Variants in RHAG observed in about 807,000 individuals in gnomAD.
RHAG encodes the protein ammonium transporter Rh type A.
A neutral mutation model predicts 42.4 loss-of-function variants in RHAG; 25 were observed. That is an observed-to-expected ratio of 0.59 (90% confidence interval 0.43 to 0.82). RHAG has a LOEUF of 0.82. Ranked by LOEUF, RHAG falls within the 40% of genes least tolerant of loss-of-function variation. The pLI, the probability that RHAG is intolerant of heterozygous loss-of-function variation, is 0.00. For missense variants in RHAG, 483 were observed against 504.6 expected (o/e 0.96, Z 0.41); for synonymous variants, 182 against 177.7 (o/e 1.02, Z -0.19).
chr6:49,630,144 C>G (rs1762913239), intron 1 of RHAG, among the ~76,000 whole-genome samples: 1 of 152,220 alleles, frequency 6.6e-6, no homozygotes, highest in South Asian at 2.1e-4. Context: ...TACTCCTTTA[C>G]CTGAAAATCT....
chr6:49,610,723 G>T (rs964888666), intron 7 of RHAG, among the ~76,000 whole-genome samples: 1 of 152,242 alleles, frequency 6.6e-6, no homozygotes, highest in Middle Eastern at 3.4e-3. Flanking sequence ...TCAAGAAAAA[G>T]ACTAATCCTT....
intron 1 of RHAG, among the ~76,000 whole-genome samples, chr6:49,620,330 T>C (rs1403262511): frequency 6.6e-6 from 1 of 152,186 alleles, no homozygotes; most frequent in Non-Finnish European, 1.5e-5. Flanking sequence ...TATGATCAAA[T>C]GCAAGATAGT....
At position 49,607,012 on chromosome 6, in the gene RHAG, C is replaced by A. The variant is rs1021438614; in HGVS notation, c.1139-91G>T. The A allele has an allele frequency of 3.3e-6, 4 of 1,199,276 alleles. No homozygotes were observed. The East Asian group carries it at 9.7e-5, about 29-fold the overall frequency. 74.3% of individuals were successfully genotyped at this position (1,199,276 alleles called of 1,614,324 possible). On this transcript the variant is annotated intron_variant, in intron 8 of 9. Transcript: ENST00000371175. ...GCTTATATACTATTATAAAATCATC[C>A]CCTTTAAATGACATAATTACTTTAC...
intron 1 of RHAG, among the ~76,000 whole-genome samples, chr6:49,620,362 A>C (rs1265053484): frequency 6.6e-6 from 1 of 152,224 alleles, no homozygotes; most frequent in East Asian, 1.9e-4. Flanking sequence ...CTCTTCCTTC[A>C]AGAAACTGAC....
At chr6:49,622,488 C>G (rs904950461) in intron 1 of RHAG, among the ~76,000 whole-genome samples, 1 of 151,996 alleles carries the variant, frequency 6.6e-6, no homozygotes, top group Non-Finnish European at 1.5e-5. Context: ...GGATTACAGG[C>G]GTAAGCCACC....
chr6:49,629,674 A>C (rs907260757), intron 1 of RHAG, among the ~76,000 whole-genome samples: 4 of 152,194 alleles, frequency 2.6e-5, no homozygotes, highest in African/African-American at 9.6e-5. Context: ...GGCGGGCTGC[A>C]GGTCCCGAGC....
At chr6:49,635,201 A>G (rs1237882822) in intron 1 of RHAG, among the ~76,000 whole-genome samples, 3 of 148,284 alleles carry the variant, frequency 2.0e-5, no homozygotes, top group East Asian at 4.0e-4. Context: ...CAAATTGTGA[A>G]TTGAAATTTT....
At chr6:49,625,771 C>A (rs1762833833) in intron 1 of RHAG, among the ~76,000 whole-genome samples, 1 of 152,180 alleles carries the variant, frequency 6.6e-6, no homozygotes, top group Admixed American at 6.5e-5. Flanking sequence ...CTAATAAAGA[C>A]ATACCCAGGA....
In RHAG at chr6:49,622,029, A is replaced by G. The variant is rs114026682; in HGVS notation, c.158-2667T>C. 2.0e-3 allele frequency among the ~76,000 whole-genome samples: 276 copies of G among 140,110 alleles called. 1 individual carries two copies. The highest frequency in any genetic ancestry group is 7.1e-3 in the African/African-American group (267 of 37,574). The allele number at this position is 140,110 out of a possible 152,430, so 91.9% of individuals were successfully genotyped here. A position where few individuals can be genotyped will look rare whatever the true frequency, so the allele number is the denominator to read the frequency against. ...AGCACTCTGGTTCTGCCTGTAATTT[A>G]TTGGTTTTAAACTGTGCAGTTACCA... On this transcript the variant is annotated intron_variant, in intron 1 of 9. Transcript: ENST00000371175.
intron 1 of RHAG, among the ~76,000 whole-genome samples, chr6:49,625,664 G>A (rs1240667292): frequency 6.6e-6 from 1 of 152,118 alleles, no homozygotes; most frequent in Non-Finnish European, 1.5e-5. Context: ...TTCATTAGTA[G>A]AGTTTAATTT....
intron 1 of RHAG, among the ~76,000 whole-genome samples, chr6:49,626,014 C>G (rs376490885): frequency 4.1e-4 from 63 of 152,150 alleles, no homozygotes; most frequent in African/African-American, 1.3e-3. Flanking sequence ...TCAATTACCT[C>G]CCACTGGTTC....
chr6:49,632,970 G>A (rs1403017109), intron 1 of RHAG, among the ~76,000 whole-genome samples: 1 of 152,076 alleles, frequency 6.6e-6, no homozygotes, highest in Non-Finnish European at 1.5e-5. Flanking sequence ...TATCAAGTGA[G>A]TATCTCAGGG....
intron 1 of RHAG, among the ~76,000 whole-genome samples, chr6:49,621,532 G>A (rs1762759621): frequency 6.6e-6 from 1 of 152,020 alleles, no homozygotes; most frequent in South Asian, 2.1e-4. Flanking sequence ...CCTACCCAGG[G>A]TACCCTAGAA....
At chr6:49,627,038 C>G (rs1456947061) in intron 1 of RHAG, among the ~76,000 whole-genome samples, 1 of 152,220 alleles carries the variant, frequency 6.6e-6, no homozygotes, top group East Asian at 1.9e-4. Flanking sequence ...CCCTCTTAGG[C>G]CTCCTGGCCT....
intron 1 of RHAG, among the ~76,000 whole-genome samples, chr6:49,625,207 T>A (rs575438828): frequency 3.9e-5 from 6 of 152,308 alleles, no homozygotes; most frequent in Non-Finnish European, 7.4e-5. Flanking sequence ...AGACAATCAA[T>A]CCATGTAGAC....
chr6:49,614,912 G>A (rs933272137), intron 4 of RHAG, 59 bp from the exon 5 acceptor site: 7 of 1,459,320 alleles, frequency 4.8e-6, no homozygotes, highest in Non-Finnish European at 6.7e-6. Flanking sequence ...TCCAGAGGAT[G>A]CAGTTTGCTT....
intron 4 of RHAG, chr6:49,615,387 TTTA>T (rs1033287515): frequency 1.3e-3 from 473 of 365,402 alleles, no homozygotes; most frequent in Middle Eastern, 2.4e-3. Flanking sequence ...TTTAATTGAA[TTTA>T]TTATTATTAT....
At chr6:49,635,982 T>C (rs1444367977) in intron 1 of RHAG, among the ~76,000 whole-genome samples, 1 of 152,146 alleles carries the variant, frequency 6.6e-6, no homozygotes, top group Non-Finnish European at 1.5e-5. Flanking sequence ...CAGTAAATGG[T>C]AGTTATTGTT....
At chr6:49,634,529 G>C (rs1041766370) in intron 1 of RHAG, among the ~76,000 whole-genome samples, 1 of 152,026 alleles carries the variant, frequency 6.6e-6, no homozygotes, top group African/African-American at 2.4e-5. Context: ...GTTTATTGCA[G>C]CACGATTCAC....
Sources: allele counts gnomAD v4.1 joint callset (sites outside exome capture counted in the v4.1 genomes callset), GRCh38; gene constraint gnomAD v4.1.1; transcripts MANE v1.5; gene names NCBI Gene and HGNC (gene_info 2026-07-23, HGNC 2026-07-21).